FLT1: variants seen among roughly 807,000 people sequenced by gnomAD.
FLT1 encodes fms related receptor tyrosine kinase 1, also known as vascular endothelial growth factor receptor 1.
Under a neutral mutation model 156.3 loss-of-function variants are expected in FLT1, and 49 were observed. The ratio of observed to expected loss-of-function variants is 0.31; its 90% CI spans 0.25 to 0.40. FLT1 has a LOEUF of 0.40. Among genes scored for constraint, FLT1 ranks in the 10% least tolerant of loss-of-function variants. The pLI, the probability that FLT1 is intolerant of heterozygous loss-of-function variation, is 1.00. For missense variants in FLT1, 1,322 were observed against 1,637.2 expected (o/e 0.81, Z 3.32); for synonymous variants, 594 against 583.8 (o/e 1.02, Z -0.25).
chr13:28,460,563 C>G (rs1048601904), intron 3 of FLT1, among the ~76,000 whole-genome samples: 1 of 152,048 alleles, frequency 6.6e-6, no homozygotes, highest in Non-Finnish European at 1.5e-5. Flanking sequence ...ACAGAACCAC[C>G]AAAAGCAGTG....
chr13:28,459,101 T>C (rs924102394), intron 3 of FLT1, among the ~76,000 whole-genome samples: 1 of 152,226 alleles, frequency 6.6e-6, no homozygotes, highest in Non-Finnish European at 1.5e-5. Flanking sequence ...TAGGAGTTCT[T>C]TAGAGAATTT....
At chr13:28,438,649 GGAGA>G (rs1429943782) in intron 3 of FLT1, among the ~76,000 whole-genome samples, 1 of 152,186 alleles carries the variant, frequency 6.6e-6, no homozygotes, top group East Asian at 1.9e-4. Context: ...AAGTGCAGTA[GGAGA>G]GAAAGGAGAA....
chr13:28,458,392 C>T (rs1879387160), intron 3 of FLT1, among the ~76,000 whole-genome samples: 1 of 152,176 alleles, frequency 6.6e-6, no homozygotes, highest in Admixed American at 6.5e-5. Context: ...TAAGTCTTAG[C>T]AATGTGGCTC....
chr13:28,341,788 ATTCT>A (rs1181372270), intron 16 of FLT1, among the ~76,000 whole-genome samples: 2 of 152,122 alleles, frequency 1.3e-5, no homozygotes, highest in African/African-American at 4.8e-5. Context: ...TCTTGCTCTC[ATTCT>A]TTCTTATTAA....
At chr13:28,341,113 G>C (rs1872317363) in intron 16 of FLT1, among the ~76,000 whole-genome samples, 1 of 152,288 alleles carries the variant, frequency 6.6e-6, no homozygotes, top group South Asian at 2.1e-4. Flanking sequence ...GGATGTGTGG[G>C]GAGGCTGGCA....
intron 13 of FLT1, chr13:28,387,273 T>G: frequency 9.6e-7 from 1 of 1,042,500 alleles, no homozygotes; most frequent in African/African-American, 1.7e-5. Flanking sequence ...TGAAAAATGT[T>G]CTACATTAAA....
Position 28,494,776 on chromosome 13 carries a change from T to A in FLT1, c.64+4A>T, listed in dbSNP as rs1388478110. On this transcript the variant is annotated splice_donor_region_variant and intron_variant, in intron 1 of 29. Coordinates refer to ENST00000282397, the MANE Select transcript of FLT1 (RefSeq NM_002019.4). ...TCAGGCCCCGGCCCCCAGCCGCGCCTCACCTGTGAGAAGCAGACAGCTGAG... is the reference window on the plus strand; with the variant it reads ...TCAGGCCCCGGCCCCCAGCCGCGCCACACCTGTGAGAAGCAGACAGCTGAG... 3 of 1,561,952 alleles carry A rather than the reference T, an allele frequency of 1.9e-6. No individual in the cohort carries two copies. The South Asian group carries it at 3.5e-5, about 18-fold the overall frequency.
At chr13:28,463,116 TG>T (rs1397758055) in intron 3 of FLT1, among the ~76,000 whole-genome samples, 1 of 152,186 alleles carries the variant, frequency 6.6e-6, no homozygotes, top group Non-Finnish European at 1.5e-5. Flanking sequence ...AAGAAACAAA[TG>T]TAAGAAATTA....
chr13:28,460,224 A>T (rs1479535584), intron 3 of FLT1, among the ~76,000 whole-genome samples: 1 of 152,238 alleles, frequency 6.6e-6, no homozygotes, highest in Non-Finnish European at 1.5e-5. Context: ...CAGAACATGA[A>T]TAGGGCTCCC....
At chr13:28,431,008 T>C (rs1877645541) in intron 7 of FLT1, 128 bp downstream of exon 7, 1 of 836,112 alleles carries the variant, frequency 1.2e-6, no homozygotes, top group Non-Finnish European at 2.0e-6. Context: ...GAGGGAACCA[T>C]GGCCAAGCTG....
At chr13:28,470,161 T>C (rs1393506932) in intron 1 of FLT1, among the ~76,000 whole-genome samples, 1 of 152,206 alleles carries the variant, frequency 6.6e-6, no homozygotes, top group Non-Finnish European at 1.5e-5. Context: ...ATGGATCCCA[T>C]TGGTCTATCA....
intron 14 of FLT1, among the ~76,000 whole-genome samples, chr13:28,381,476 T>A (rs1434144553): frequency 6.6e-6 from 1 of 152,184 alleles, no homozygotes; most frequent in African/African-American, 2.4e-5. Flanking sequence ...GGAGAATCAC[T>A]TGAACACAGG....
At chr13:28,467,858 C>G (rs892267859) in intron 1 of FLT1, among the ~76,000 whole-genome samples, 1 of 152,088 alleles carries the variant, frequency 6.6e-6, no homozygotes, top group African/African-American at 2.4e-5. Flanking sequence ...ACCTAAATAA[C>G]ATCCAAAAGC....
chr13:28,442,379 A>T (rs1363271317), intron 3 of FLT1, among the ~76,000 whole-genome samples: 1 of 152,232 alleles, frequency 6.6e-6, no homozygotes, highest in Non-Finnish European at 1.5e-5. Context: ...CCTACAGGAG[A>T]TAATAAAATC....
chr13:28,368,493 A>T, intron 14 of FLT1: 3 of 1,527,222 alleles, frequency 2.0e-6, no homozygotes, highest in East Asian at 2.5e-5. Flanking sequence ...CAACTAAAGG[A>T]TAAGTTCTTT....
chr13:28,477,546 T>C (rs1231935285), intron 1 of FLT1, among the ~76,000 whole-genome samples: 1 of 152,188 alleles, frequency 6.6e-6, no homozygotes, highest in East Asian at 1.9e-4. Context: ...ACATAACTCG[T>C]AAAATACTCG....
chr13:28,454,075 C>A (rs1879129006), intron 3 of FLT1, among the ~76,000 whole-genome samples: 1 of 152,050 alleles, frequency 6.6e-6, no homozygotes, highest in African/African-American at 2.4e-5. Flanking sequence ...GGCAGAGCAC[C>A]CCCAGTCCAC....
rs748767534 is a variant in FLT1, at chr13:28,322,892, G to T, written c.2851C>A (p.Gln951Lys). ...CTATCTAGTCTTGGTTTCTTGCCTT[G>T]TTCCAGGCCTGGCTCCATTTTTTCT... ...KKEKMEPGLE[Q>K]GKKPRLDSVT... The change falls in exon 21 of 30, where the codon CAA becomes AAA. Residue 951 changes from glutamine (Q) to lysine (K), a missense_variant. Coordinates refer to ENST00000282397, the MANE Select transcript of FLT1 (RefSeq NM_002019.4). This position sits in a 1 kb window ranked among gnomAD's most constrained non-coding sequence, Gnocchi z 4.3. The T allele has an allele frequency of 1.2e-6, 2 of 1,613,994 alleles. No individual in the cohort carries two copies. Among genetic ancestry groups the T allele is most frequent in the East Asian group, 2.2e-5 (1 of 44,896 alleles).
intron 3 of FLT1, among the ~76,000 whole-genome samples, chr13:28,446,671 C>T (rs1878635466): frequency 6.6e-6 from 1 of 152,156 alleles, no homozygotes; most frequent in South Asian, 2.1e-4. Context: ...AAGTGGGAAA[C>T]ATCTCATGTT....
Sources: gnomAD v4.1 joint callset for allele counts (sites outside exome capture counted in the v4.1 genomes callset) on GRCh38, gnomAD v4.1.1 for gene constraint, Gnocchi (gnomAD v3.1) non-coding constraint, MANE v1.5 for transcripts, NCBI Gene and HGNC (gene_info 2026-07-23, HGNC 2026-07-21) for gene names.